Variants in SYNRG observed in about 807,000 individuals in gnomAD.
The protein encoded by SYNRG is synergin gamma, also known as AP1 gamma subunit binding protein 1.
SYNRG carries 37 observed loss-of-function variants against 130.9 expected under a neutral mutation model. That is an observed-to-expected ratio of 0.28 (90% CI 0.22 to 0.37). The LOEUF (loss-of-function observed/expected upper bound fraction) is 0.37. Ranked by LOEUF, SYNRG falls within the 10% of genes least tolerant of loss-of-function variation. The probability of loss-of-function intolerance (pLI) is 1.00; values close to 1 mark genes in which losing one functional copy is unlikely to be tolerated. For missense variants in SYNRG, 1,338 were observed against 1,588.9 expected (o/e 0.84, Z 2.68); for synonymous variants, 539 against 568.1 (o/e 0.95, Z 0.73).
In SYNRG at chr17:37,520,529, G is replaced by A. The variant is rs75492696; in HGVS notation, c.3777+9C>T. 3.7e-6 allele frequency: 6 copies of A among 1,613,124 alleles called. No homozygotes were observed. Among genetic ancestry groups the A allele is most frequent in the Middle Eastern group, 1.6e-4 (1 of 6,080 alleles). On this transcript the variant is annotated intron_variant, in intron 20 of 21. Coordinates refer to ENST00000612223, the MANE Select transcript of SYNRG (RefSeq NM_007247.6). ...CCTTTGCTGTCTGCAAGGAGGCTGC[G>A]TGACTTACCCGGCTCCTCGAGTCCA... is the stretch of plus-strand genomic sequence containing the variant.
rs140495276 is a variant in SYNRG at position 37,514,812 on chromosome 17, C to T, written c.*4128G>A. On this transcript the variant is annotated 3_prime_UTR_variant, in exon 22 of 22. Transcript: ENST00000612223. Reference sequence around the variant, plus strand: ...AAAGGCTTAGTAGCCTGACATTCTTCTACACTTGTATTTTGGTTAGAGAAG... The same window carrying T: ...AAAGGCTTAGTAGCCTGACATTCTTTTACACTTGTATTTTGGTTAGAGAAG... 9.9e-5 allele frequency: 15 copies of T among 152,280 alleles called. No homozygotes were observed. Among genetic ancestry groups the T allele is most frequent in the African/African-American group, 3.6e-4 (15 of 41,546 alleles). The allele number at this position is 152,280 out of a possible 1,614,324, so 9.4% of individuals were successfully genotyped here.
chr17:37,581,234 C>T (rs539010908), intron 6 of SYNRG, among the ~76,000 whole-genome samples: 41 of 151,814 alleles, frequency 2.7e-4, no homozygotes, highest in Non-Finnish European at 5.4e-4. Context: ...ATTAACAATA[C>T]TATTTTATTG....
chr17:37,578,073 T>C (rs1322325158), intron 6 of SYNRG, among the ~76,000 whole-genome samples: 1 of 151,736 alleles, frequency 6.6e-6, no homozygotes, highest in Non-Finnish European at 1.5e-5. Context: ...GGCTCAAGCC[T>C]GTAATCCCAG....
intron 14 of SYNRG, 71 bp from the exon 15 acceptor site, chr17:37,542,636 C>T: frequency 1.8e-6 from 2 of 1,135,468 alleles, no homozygotes; most frequent in Non-Finnish European, 2.5e-6. Context: ...TCTGTAGAAG[C>T]AAAATGCCTA....
intron 2 of SYNRG, among the ~76,000 whole-genome samples, chr17:37,597,440 C>A (rs1282828723): frequency 6.6e-6 from 1 of 152,192 alleles, no homozygotes; most frequent in Admixed American, 6.5e-5. Flanking sequence ...CAGTTAGGAG[C>A]ATGAACTCTG....
intron 13 of SYNRG, among the ~76,000 whole-genome samples, chr17:37,555,029 GTTTAT>G (rs1222985004): frequency 6.6e-6 from 1 of 151,856 alleles, no homozygotes; most frequent in Non-Finnish European, 1.5e-5. Flanking sequence ...TCTCAGATTT[GTTTAT>G]TTTTATATTC....
At chr17:37,542,696 T>C in intron 14 of SYNRG, 131 bp from the exon 15 acceptor site, 1 of 692,044 alleles carries the variant, frequency 1.4e-6, no homozygotes, top group Non-Finnish European at 2.3e-6. Context: ...AATTTAGAGT[T>C]TGTACTAAAA....
chr17:37,608,635 TTC>T (rs1356608234), intron 1 of SYNRG, among the ~76,000 whole-genome samples: 2 of 152,298 alleles, frequency 1.3e-5, no homozygotes, highest in African/African-American at 4.8e-5. Context: ...ACAGTGCACT[TTC>T]TTTGTTTTTA....
chr17:37,561,199 A>G lies in SYNRG; in HGVS notation c.1659T>C (p.Pro553=), dbSNP rs1023954993. The G allele has an allele frequency of 3.1e-6, 5 of 1,612,208 alleles. No homozygotes were observed. The highest frequency in any genetic ancestry group is 4.2e-6 in the Non-Finnish European group (5 of 1,179,538). The change falls in exon 13 of 22, where the codon CCT becomes CCC. Residue 553 remains proline, a synonymous_variant. Coordinates refer to ENST00000612223, the MANE Select transcript of SYNRG (RefSeq NM_007247.6). ...RELEQTAENK[P]LGESFAEFRS... Reference sequence around the variant, plus strand: ...TTTGAGGACTCAAAAACTTACCTAAAGGTTTATTCTCTGCTGTCTGTTCAA... The same window carrying G: ...TTTGAGGACTCAAAAACTTACCTAAGGGTTTATTCTCTGCTGTCTGTTCAA...
chr17:37,587,822 C>T (rs2061817416), intron 3 of SYNRG, among the ~76,000 whole-genome samples: 1 of 152,188 alleles, frequency 6.6e-6, no homozygotes, highest in African/African-American at 2.4e-5. Flanking sequence ...CATGGTAATA[C>T]CCATGATCTA....
intron 4 of SYNRG, among the ~76,000 whole-genome samples, chr17:37,585,767 G>T (rs1409291117): frequency 6.6e-6 from 1 of 152,160 alleles, no homozygotes; most frequent in Non-Finnish European, 1.5e-5. Context: ...TATTAAAAAA[G>T]AACCTGCTTG....
intron 16 of SYNRG, 109 bp downstream of exon 16, chr17:37,540,271 G>C: frequency 7.7e-7 from 1 of 1,302,748 alleles, no homozygotes; most frequent in Non-Finnish European, 1.1e-6. Flanking sequence ...GGTGCTTTGT[G>C]TCTTTCTGCC....
At chr17:37,521,566 T>TC (rs2055063400) in intron 19 of SYNRG, among the ~76,000 whole-genome samples, 1 of 152,052 alleles carries the variant, frequency 6.6e-6, no homozygotes, top group Non-Finnish European at 1.5e-5. Context: ...ATAAGGAGCA[T>TC]CCTGGAAGCC....
chr17:37,601,849 G>C (rs2063314024), intron 1 of SYNRG, among the ~76,000 whole-genome samples: 1 of 151,826 alleles, frequency 6.6e-6, no homozygotes. Flanking sequence ...ATTTTCAGTA[G>C]AGACAGGGTT....
chr17:37,536,004 C>A lies in SYNRG; in HGVS notation c.3641G>T (p.Gly1214Val). 1 of 1,613,940 alleles carries A rather than the reference C, an allele frequency of 6.2e-7. No homozygotes were observed. Among genetic ancestry groups the A allele is most frequent in the Non-Finnish European group, 8.5e-7 (1 of 1,179,968 alleles). ...DIDKVWNNLI[G>V]FMSLATLTPD... ...TGTGAGTGTGGCGAGTGACATGAAG[C>A]CGATTAGGTTATTCCATACTTTATC... is the stretch of plus-strand genomic sequence containing the variant. Residue 1214 changes from glycine to valine, a missense_variant, in exon 19 of 22, where the codon GGC becomes GTC. By Grantham distance (109) the Gly-to-Val change is moderately radical. This residue lies in a region of SYNRG where 1,146 missense variants were observed against 1,342.3 expected (regional missense o/e 0.85). Coordinates refer to ENST00000612223, the MANE Select transcript of SYNRG (RefSeq NM_007247.6).
At chr17:37,527,580 G>A (rs998745327) in intron 19 of SYNRG, among the ~76,000 whole-genome samples, 11 of 151,690 alleles carry the variant, frequency 7.3e-5, no homozygotes, top group African/African-American at 1.9e-4. Context: ...AAAAATATTC[G>A]GAGGAAAAAA....
In SYNRG at chr17:37,538,829, G is replaced by A. The variant is rs140976695; in HGVS notation, c.3420+363C>T. On this transcript the variant is annotated intron_variant, in intron 17 of 21. Transcript: ENST00000612223. ...AGGCTGGTCTCAAACTCCTGACCTC[G>A]TGATCCGCCCGCCTTGGCCTCCCAA... is the stretch of plus-strand genomic sequence containing the variant. 6.1e-3 allele frequency among the ~76,000 whole-genome samples: 931 copies of A among 152,322 alleles called. 6 individuals carry two copies. Among genetic ancestry groups the A allele is most frequent in the African/African-American group, 0.021 (887 of 41,576 alleles).
chr17:37,597,576 C>T lies in SYNRG; in HGVS notation c.119-1232G>A, dbSNP rs555149957. ...TGCTCAAAGAAATGTTATTCTTCTT[C>T]CTTTTTCTTACATGAATAGGTAATA... On this transcript the variant is annotated intron_variant, in intron 2 of 21. Coordinates refer to ENST00000612223, the MANE Select transcript of SYNRG (RefSeq NM_007247.6). Among the ~76,000 whole-genome samples the T allele has an allele frequency of 3.9e-5, 6 of 152,294 alleles. No homozygotes were observed. In the South Asian group the frequency reaches 1.0e-3, roughly 26 times the overall value.
At chr17:37,550,032 G>A (rs987424497) in intron 14 of SYNRG, among the ~76,000 whole-genome samples, 11 of 152,070 alleles carry the variant, frequency 7.2e-5, no homozygotes, top group African/African-American at 2.7e-4. Context: ...AATATTATTT[G>A]ATGATATATA....
Sources: allele counts gnomAD v4.1 joint callset (sites outside exome capture counted in the v4.1 genomes callset), GRCh38; gene constraint gnomAD v4.1.1; regional missense constraint gnomAD v4.1.1; transcripts MANE v1.5; gene names NCBI Gene and HGNC (gene_info 2026-07-23, HGNC 2026-07-21).